DRP2: variants seen among roughly 807,000 people sequenced by gnomAD.
DRP2 encodes the protein dystrophin related protein 2.
DRP2 carries 29 observed loss-of-function variants against 78.2 expected under a neutral mutation model. The observed-to-expected ratio is 0.37, with a 90% CI of 0.28 to 0.51. The LOEUF (loss-of-function observed/expected upper bound fraction) is 0.51, where lower values mean the gene tolerates loss of function less well. Ranked by LOEUF, DRP2 falls within the 20% of genes least tolerant of loss-of-function variation. The probability of loss-of-function intolerance (pLI) is 0.94; values close to 1 mark genes in which losing one functional copy is unlikely to be tolerated. For synonymous variants in DRP2, 290 were observed against 281.9 expected, an observed-to-expected ratio of 1.03 and a Z score of -0.29; for missense variants, 686 against 770.6, an observed-to-expected ratio of 0.89 and a Z score of 1.30.
At chrX:101,245,317 G>A in intron 10 of DRP2, 71 bp from the exon 11 acceptor site, 1 of 1,032,034 alleles carries the variant, frequency 9.7e-7, no homozygotes, top group Non-Finnish European at 1.3e-6. Flanking sequence ...TCACTTGAGT[G>A]GTGTGCACAT....
intron 4 of DRP2, among the ~76,000 whole-genome samples, chrX:101,236,767 G>C (rs1380532755): frequency 8.9e-6 from 1 of 112,301 alleles, no homozygotes; most frequent in East Asian, 2.8e-4. Flanking sequence ...TTAACTGTGT[G>C]ACCTTTGGGA....
At chrX:101,235,113 A>T (rs958982497) in intron 3 of DRP2, among the ~76,000 whole-genome samples, 9 of 110,762 alleles carry the variant, frequency 8.1e-5, no homozygotes, top group Non-Finnish European at 1.1e-4. Flanking sequence ...AAACCCCACA[A>T]TTACCCCCAT....
intron 4 of DRP2, among the ~76,000 whole-genome samples, chrX:101,236,396 A>G (rs1054286934): frequency 7.1e-5 from 8 of 111,982 alleles, no homozygotes; most frequent in Non-Finnish European, 1.5e-4. Context: ...CCGAGGTATA[A>G]ATGAAGGGGA....
chrX:101,239,697 C>T (rs1343174577), intron 6 of DRP2, among the ~76,000 whole-genome samples: 1 of 111,655 alleles, frequency 9.0e-6, no homozygotes, highest in East Asian at 2.8e-4. Flanking sequence ...CCTGCCTCAG[C>T]CTCCCGAGTA....
chrX:101,236,431 C>G (rs1404528667), intron 4 of DRP2, among the ~76,000 whole-genome samples: 1 of 112,031 alleles, frequency 8.9e-6, no homozygotes, highest in Non-Finnish European at 1.9e-5. Flanking sequence ...TCCTCTTCCT[C>G]TCATAGCTGT....
Position 101,231,208 on chromosome X carries a change from CAG to C in DRP2, c.-63-374_-63-373del, listed in dbSNP as rs781237015. Among the ~76,000 whole-genome samples the C allele has an allele frequency of 8.9e-5, 10 of 112,573 alleles. No homozygotes were observed. In the Admixed American group the frequency reaches 9.4e-4, roughly 11 times the overall value. ...TCTTTCTGAAATACGTGCATATTCT[CAG>C]AGTTAGCTGTTCCCCACTCTGTGCT... On this transcript the variant is annotated intron_variant, in intron 2 of 23. Transcript: ENST00000395209.
intron 2 of DRP2, among the ~76,000 whole-genome samples, chrX:101,229,913 G>A (rs145211237): frequency 0.14 from 15,278 of 111,625 alleles, 1,041 homozygotes; most frequent in Middle Eastern, 0.21. Flanking sequence ...AGCTGAATAT[G>A]TCTCAAGCAT....
chrX:101,224,202 T>TTTTTTTTTTTTTTTTTTTTTTTTTG (rs1922019799), intron 1 of DRP2, among the ~76,000 whole-genome samples: 1 of 69,113 alleles, frequency 1.4e-5, no homozygotes, highest in Non-Finnish European at 2.7e-5. Flanking sequence ...TTTTTTTTTT[T>TTTTTTTTTTTTTTTTTTTTTTTTTG]TTTTTTTTTT....
At chrX:101,233,562 G>C (rs764294436) in intron 3 of DRP2, among the ~76,000 whole-genome samples, 1 of 112,378 alleles carries the variant, frequency 8.9e-6, no homozygotes, top group East Asian at 2.8e-4. Context: ...GATGGGAACA[G>C]AACCCTTTTT....
At chrX:101,244,516 A>G (rs1602924991) in intron 9 of DRP2, among the ~76,000 whole-genome samples, 1 of 111,671 alleles carries the variant, frequency 9.0e-6, no homozygotes, top group Admixed American at 9.5e-5. Context: ...AGACACAGGC[A>G]GAGAGAGGCA....
At chrX:101,253,936 T>C (rs1166349512) in intron 17 of DRP2, among the ~76,000 whole-genome samples, 1 of 111,021 alleles carries the variant, frequency 9.0e-6, no homozygotes, top group African/African-American at 3.3e-5. Context: ...TTTTAAAAAT[T>C]AACAAACATA....
At position 101,237,599 on chromosome X, in the gene DRP2, G is replaced by C; in HGVS notation, c.282-20G>C. On this transcript the variant is annotated intron_variant, in intron 4 of 23. Coordinates refer to ENST00000395209, the MANE Select transcript of DRP2 (RefSeq NM_001939.3). ...TTAAAAAGAAGACTGAACATCACTGGTTTTACTCATTGTGTGCAGCGCTCG... is the reference window on the plus strand; with the variant it reads ...TTAAAAAGAAGACTGAACATCACTGCTTTTACTCATTGTGTGCAGCGCTCG... 1 of 1,059,583 alleles carries C rather than the reference G, an allele frequency of 9.4e-7. No individual in the cohort carries two copies. Among genetic ancestry groups the C allele is most frequent in the Non-Finnish European group, 1.2e-6 (1 of 810,105 alleles). 87.3% of individuals were successfully genotyped at this position (1,059,583 alleles called of 1,213,427 possible). A position where few individuals can be genotyped will look rare whatever the true frequency, so the allele number is the denominator to read the frequency against.
At chrX:101,254,309 G>A (rs1923257915) in intron 17 of DRP2, 116 bp from the exon 18 acceptor site, 1 of 915,811 alleles carries the variant, frequency 1.1e-6, no homozygotes, top group South Asian at 2.4e-5. Flanking sequence ...AGGGTATGGT[G>A]GGCATGAGCA....
chrX:101,229,110 T>C (rs945093207), intron 2 of DRP2, among the ~76,000 whole-genome samples: 1 of 112,562 alleles, frequency 8.9e-6, no homozygotes, highest in African/African-American at 3.2e-5. Flanking sequence ...TTACAGATTA[T>C]TTTTATTTTC....
chrX:101,239,867 A>G (rs944597204), intron 6 of DRP2, among the ~76,000 whole-genome samples: 4 of 110,679 alleles, frequency 3.6e-5, no homozygotes, highest in Non-Finnish European at 7.6e-5. Flanking sequence ...GTGAGCCACC[A>G]CGCCTGGCCC....
At chrX:101,226,131 G>A (rs1429407938) in intron 2 of DRP2, among the ~76,000 whole-genome samples, 3 of 111,271 alleles carry the variant, frequency 2.7e-5, no homozygotes, top group Non-Finnish European at 5.7e-5. Context: ...TTTTACTTAA[G>A]GTATATCATA....
chrX:101,241,165 T>C (rs978629989), intron 6 of DRP2, among the ~76,000 whole-genome samples: 7 of 112,137 alleles, frequency 6.2e-5, no homozygotes, highest in African/African-American at 2.3e-4. Context: ...ATATAGTAAG[T>C]GGAAAAACAC....
chrX:101,221,450 G>A (rs1267780499), intron 1 of DRP2, among the ~76,000 whole-genome samples: 1 of 112,439 alleles, frequency 8.9e-6, no homozygotes, highest in Non-Finnish European at 1.9e-5. Context: ...GTTGGAAGTG[G>A]CAGTGTTGTG....
At chrX:101,242,509 C>T in intron 8 of DRP2, 38 bp downstream of exon 8, 4 of 1,183,834 alleles carry the variant, frequency 3.4e-6, no homozygotes, top group Non-Finnish European at 4.5e-6. Context: ...GGGGAGGTGC[C>T]TCCATATAAC....
Sources: allele counts gnomAD v4.1 joint callset (sites outside exome capture counted in the v4.1 genomes callset), GRCh38; gene constraint gnomAD v4.1.1; transcripts MANE v1.5; gene names NCBI Gene and HGNC (gene_info 2026-07-23, HGNC 2026-07-21).